The following CMTM8 variants were observed in gnomAD, a reference collection of about 807,000 sequenced individuals.
The protein encoded by CMTM8 is CKLF-like MARVEL transmembrane domain-containing protein 8.
Under a neutral mutation model 18.6 loss-of-function variants are expected in CMTM8, and 12 were observed. The observed-to-expected ratio is 0.65, with a 90% CI of 0.41 to 1.05. The LOEUF is 1.05. Ranked by LOEUF, CMTM8 falls within the 50% of genes least tolerant of loss-of-function variation. The pLI, the probability that CMTM8 is intolerant of heterozygous loss-of-function variation, is 0.00. For missense variants in CMTM8, 217 were observed against 227.2 expected (o/e 0.95, Z 0.29); for synonymous variants, 87 against 90.6 (o/e 0.96, Z 0.23).
chr3:32,362,415 C>T (rs1696953363), intron 2 of CMTM8, among the ~76,000 whole-genome samples: 1 of 152,160 alleles, frequency 6.6e-6, no homozygotes, highest in South Asian at 2.1e-4. Flanking sequence ...TACATCATTT[C>T]ATTTAATCCT....
At chr3:32,363,988 A>G (rs1696982915) in intron 2 of CMTM8, among the ~76,000 whole-genome samples, 1 of 152,182 alleles carries the variant, frequency 6.6e-6, no homozygotes, top group Non-Finnish European at 1.5e-5. Flanking sequence ...GTCAAGCATG[A>G]GTGTCTCTTC....
intron 1 of CMTM8, among the ~76,000 whole-genome samples, chr3:32,256,925 C>A (rs778847357): frequency 6.6e-6 from 1 of 152,188 alleles, no homozygotes; most frequent in African/African-American, 2.4e-5. Flanking sequence ...GAATCAGGTT[C>A]TCTTTTCCTT....
At chr3:32,314,877 G>A (rs548528114) in intron 1 of CMTM8, among the ~76,000 whole-genome samples, 224 of 151,948 alleles carry the variant, frequency 1.5e-3, no homozygotes, top group Non-Finnish European at 2.2e-3. Flanking sequence ...TCCAACTGAG[G>A]CCTTGTTGAT....
chr3:32,267,814 A>T (rs1280525843), intron 1 of CMTM8, among the ~76,000 whole-genome samples: 2 of 152,280 alleles, frequency 1.3e-5, no homozygotes, highest in Non-Finnish European at 2.9e-5. Flanking sequence ...TCTCAAAAGA[A>T]GACATTTATG....
intron 1 of CMTM8, among the ~76,000 whole-genome samples, chr3:32,276,963 C>T (rs2125547280): frequency 6.6e-6 from 1 of 152,202 alleles, no homozygotes; most frequent in South Asian, 2.1e-4. Flanking sequence ...TCATAGTGCC[C>T]TGCATCCTTG....
intron 1 of CMTM8, among the ~76,000 whole-genome samples, chr3:32,257,081 G>T (rs1032841458): frequency 6.6e-6 from 1 of 152,160 alleles, no homozygotes; most frequent in African/African-American, 2.4e-5. Flanking sequence ...TCTGCTTCCT[G>T]GGTTCAAGCA....
chr3:32,369,766 G>T, intron 3 of CMTM8, 118 bp from the exon 4 acceptor site: 1 of 551,500 alleles, frequency 1.8e-6, no homozygotes, highest in South Asian at 2.9e-5. Flanking sequence ...GTTTTAGATG[G>T]CAAAGCCTGG....
chr3:32,322,048 A>G (rs76201268), intron 1 of CMTM8, among the ~76,000 whole-genome samples: 3,970 of 152,292 alleles, frequency 0.026, 175 homozygotes, highest in African/African-American at 0.09. Context: ...TCTAAGAGGA[A>G]GTTTGCTGAC....
At chr3:32,307,150 G>T (rs1212497498) in intron 1 of CMTM8, among the ~76,000 whole-genome samples, 8 of 152,074 alleles carry the variant, frequency 5.3e-5, no homozygotes, top group African/African-American at 1.9e-4. Flanking sequence ...GACCAGCCTG[G>T]CCAACATGGT....
At chr3:32,278,282 A>C (rs1055402579) in intron 1 of CMTM8, among the ~76,000 whole-genome samples, 1 of 152,340 alleles carries the variant, frequency 6.6e-6, no homozygotes, top group East Asian at 1.9e-4. Flanking sequence ...GTCCTCATCT[A>C]CGTGGCCATG....
At chr3:32,340,624 G>T (rs1307441648) in intron 1 of CMTM8, among the ~76,000 whole-genome samples, 1 of 152,270 alleles carries the variant, frequency 6.6e-6, no homozygotes, top group Non-Finnish European at 1.5e-5. Context: ...TAAAGGGCCA[G>T]ATAGTAAATA....
chr3:32,267,354 G>A lies in CMTM8; in HGVS notation c.147+28235G>A, dbSNP rs566329275. Among the ~76,000 whole-genome samples the A allele has an allele frequency of 7.9e-5, 12 of 152,248 alleles. No homozygotes were observed. In the South Asian group the frequency reaches 1.9e-3, roughly 24 times the overall value. The stretch of plus-strand genomic sequence containing the variant: ...TGACAAAAACAAGAAATGGGGAAAG[G>A]ATTCCCTATTTAATAAATGGTGCTG... On this transcript the variant is annotated intron_variant, in intron 1 of 3. Coordinates refer to ENST00000307526, the MANE Select transcript of CMTM8 (RefSeq NM_178868.5).
At chr3:32,317,131 C>T (rs1168358604) in intron 1 of CMTM8, among the ~76,000 whole-genome samples, 2 of 152,144 alleles carry the variant, frequency 1.3e-5, no homozygotes, top group South Asian at 2.1e-4. Context: ...GGGACAGGGA[C>T]TCATATCTGT....
chr3:32,247,398 C>T (rs1702052856), intron 1 of CMTM8, among the ~76,000 whole-genome samples: 5 of 152,100 alleles, frequency 3.3e-5, no homozygotes, highest in Admixed American at 2.0e-4. Context: ...CTGCAACTTC[C>T]GCCTCCCAGG....
Position 32,258,020 on chromosome 3 carries a change from G to A in CMTM8, c.147+18901G>A, listed in dbSNP as rs1213923136. On this transcript the variant is annotated intron_variant, in intron 1 of 3. Transcript: ENST00000307526. Reference sequence around the variant, plus strand: ...CTGGAAATCTCAAATCTTTATCCTGGGGACTATTTCCAGAAGTCGCTGCTG... The same window carrying A: ...CTGGAAATCTCAAATCTTTATCCTGAGGACTATTTCCAGAAGTCGCTGCTG... Among the ~76,000 whole-genome samples, 3 of 152,032 alleles carry A rather than the reference G, an allele frequency of 2.0e-5. No homozygotes were observed. In the East Asian group the frequency reaches 5.8e-4, roughly 29 times the overall value.
chr3:32,361,286 G>GTTTTTTTTTTGTTTTTTTGTTTTT (rs58364646), intron 2 of CMTM8, among the ~76,000 whole-genome samples: 11 of 87,258 alleles, frequency 1.3e-4, no homozygotes, highest in South Asian at 4.6e-4. Flanking sequence ...CAGCCTAAGA[G>GTTTTTTTTTTGTTTTTTTGTTTTT]TTTTTTTTTC....
At chr3:32,276,484 G>A (rs1702520780) in intron 1 of CMTM8, among the ~76,000 whole-genome samples, 1 of 152,176 alleles carries the variant, frequency 6.6e-6, no homozygotes. Flanking sequence ...CCTTCATGCT[G>A]GCACTGCTTG....
chr3:32,239,804 C>T (rs368139600), intron 1 of CMTM8, among the ~76,000 whole-genome samples: 9 of 152,300 alleles, frequency 5.9e-5, no homozygotes, highest in Admixed American at 3.3e-4. Context: ...GGACTGGAGT[C>T]CTGTCAGCAG....
intron 1 of CMTM8, among the ~76,000 whole-genome samples, chr3:32,314,305 G>A (rs1179929850): frequency 3.3e-5 from 5 of 152,030 alleles, no homozygotes; most frequent in Non-Finnish European, 5.9e-5. Context: ...GGCTGGTTGG[G>A]GTACCAGAGG....
Sources: allele counts gnomAD v4.1 joint callset (sites outside exome capture counted in the v4.1 genomes callset), GRCh38; gene constraint gnomAD v4.1.1; transcripts MANE v1.5; gene names NCBI Gene and HGNC (gene_info 2026-07-23, HGNC 2026-07-21).